Variants in TRPC5 observed in about 807,000 individuals in gnomAD.
TRPC5 encodes transient receptor potential cation channel subfamily C member 5, also known as short transient receptor potential channel 5.
TRPC5 carries 9 observed loss-of-function variants against 56.5 expected under a neutral mutation model. That is an observed-to-expected ratio of 0.16 (90% CI 0.10 to 0.28). TRPC5 has a LOEUF of 0.28. TRPC5 is among the 10% of genes least tolerant of loss of function. The pLI is 1.00. For synonymous variants in TRPC5, 282 were observed against 278.5 expected, an observed-to-expected ratio of 1.01 and a Z score of -0.13; for missense variants, 469 against 748.9, an observed-to-expected ratio of 0.63 and a Z score of 4.36.
chrX:111,991,876 A>G (rs1200932244), intron 1 of TRPC5, among the ~76,000 whole-genome samples: 1 of 112,110 alleles, frequency 8.9e-6, no homozygotes, highest in Non-Finnish European at 1.9e-5. Context: ...CTAGGGTTTC[A>G]GGCTATCTAA....
At chrX:111,946,225 A>C (rs1378214936) in intron 2 of TRPC5, among the ~76,000 whole-genome samples, 1 of 112,137 alleles carries the variant, frequency 8.9e-6, no homozygotes, top group Non-Finnish European at 1.9e-5. Context: ...AAGTATGGAC[A>C]AAGTAGGTCT....
chrX:112,044,486 T>G (rs750245030), intron 1 of TRPC5, among the ~76,000 whole-genome samples: 1 of 112,114 alleles, frequency 8.9e-6, no homozygotes, highest in African/African-American at 3.2e-5. Context: ...TGACTGCCCT[T>G]CCATACAGAG....
Position 111,782,806 on chromosome X carries a change from A to AACACACACACACACACAC in TRPC5, c.1897-686_1897-669dup, listed in dbSNP as rs1186498788. ...TACCCATGTAACAATCATTATAATCAACACACACACACACACACACACACA... is the reference window on the plus strand; with the variant it reads ...TACCCATGTAACAATCATTATAATCAACACACACACACACACACACACACACACACACACACACACACA... On this transcript the variant is annotated intron_variant, in intron 7 of 10. Coordinates refer to ENST00000262839, the MANE Select transcript of TRPC5 (RefSeq NM_012471.3). Among the ~76,000 whole-genome samples, 547 of 92,113 alleles carry AACACACACACACACACAC rather than the reference A, an allele frequency of 5.9e-3. 6 individuals carry two copies. The highest frequency in any genetic ancestry group is 0.021 in the African/African-American group (488 of 23,744). The allele number at this position is 92,113 out of a possible 115,157, so 80.0% of individuals were successfully genotyped here. A position where few individuals can be genotyped will look rare whatever the true frequency, so the allele number is the denominator to read the frequency against.
At chrX:111,800,598 C>G (rs759232528) in intron 7 of TRPC5, among the ~76,000 whole-genome samples, 1 of 110,498 alleles carries the variant, frequency 9.0e-6, no homozygotes, top group Admixed American at 9.7e-5. Context: ...AACCCCCTCT[C>G]TACTAAATTT....
At chrX:111,796,968 C>CA (rs1921118401) in intron 7 of TRPC5, among the ~76,000 whole-genome samples, 1 of 112,140 alleles carries the variant, frequency 8.9e-6, no homozygotes, top group African/African-American at 3.2e-5. Context: ...ATTGCCACTT[C>CA]AAAAAAATAA....
intron 6 of TRPC5, 35 bp downstream of exon 6, chrX:111,847,079 A>AAAT: frequency 8.6e-7 from 1 of 1,158,120 alleles, no homozygotes; most frequent in Non-Finnish European, 1.1e-6. Flanking sequence ...GGCAAAAAAA[A>AAAT]AAATAAATAA....
At position 112,017,959 on chromosome X, in the gene TRPC5, A is replaced by T. The variant is rs111474349; in HGVS notation, c.-22+63920T>A. Among the ~76,000 whole-genome samples, 715 of 112,623 alleles carry T rather than the reference A, an allele frequency of 6.3e-3. 5 individuals are homozygous for T. Among genetic ancestry groups the T allele is most frequent in the African/African-American group, 0.022 (669 of 31,011 alleles). On this transcript the variant is annotated intron_variant, in intron 1 of 10. Transcript: ENST00000262839. The stretch of plus-strand genomic sequence containing the variant: ...AATACAGACCAGATTTTGAAGACTT[A>T]GTACAATAAAAAAGAATGCCTAATA...
chrX:111,911,100 T>G, intron 3 of TRPC5, among the ~76,000 whole-genome samples: 1 of 112,350 alleles, frequency 8.9e-6, no homozygotes, highest in East Asian at 2.8e-4. Flanking sequence ...CTGGTATTTG[T>G]TTTTTGCCTC....
chrX:111,843,454 T>C (rs1293214277), intron 6 of TRPC5, among the ~76,000 whole-genome samples: 2 of 111,680 alleles, frequency 1.8e-5, no homozygotes, highest in Non-Finnish European at 3.8e-5. Context: ...TTGGCAGCAG[T>C]TGGAAAGATG....
intron 1 of TRPC5, among the ~76,000 whole-genome samples, chrX:112,021,978 G>A (rs893164086): frequency 3.6e-5 from 4 of 112,187 alleles, no homozygotes; most frequent in Admixed American, 2.8e-4. Flanking sequence ...AGGAATAAAC[G>A]GGATGATGAT....
chrX:111,910,539 A>C (rs1321206703), intron 3 of TRPC5, among the ~76,000 whole-genome samples: 1 of 111,850 alleles, frequency 8.9e-6, no homozygotes, highest in Non-Finnish European at 1.9e-5. Flanking sequence ...GCTAATAGTA[A>C]ATTTTTTTTT....
chrX:112,076,007 A>C (rs181208079), intron 1 of TRPC5, among the ~76,000 whole-genome samples: 1 of 111,925 alleles, frequency 8.9e-6, no homozygotes. Context: ...AACGATAATA[A>C]ATTTGTGTTG....
rs748736929 is a variant in TRPC5 at position 112,061,823 on chromosome X, A to G, written c.-22+20056T>C. Among the ~76,000 whole-genome samples, 3 of 111,615 alleles carry G rather than the reference A, an allele frequency of 2.7e-5. No homozygotes were observed. The East Asian group carries it at 8.5e-4, about 32-fold the overall frequency. On this transcript the variant is annotated intron_variant, in intron 1 of 10. Transcript: ENST00000262839. ...GAAGCAGGTTCTTCTGGTGCTGGCT[A>G]CCTCTTTGCTCCTTCTTTACACTAA... is the stretch of plus-strand genomic sequence containing the variant.
At chrX:111,972,470 C>T (rs1024994039) in intron 1 of TRPC5, among the ~76,000 whole-genome samples, 5 of 111,996 alleles carry the variant, frequency 4.5e-5, no homozygotes, top group Non-Finnish European at 9.4e-5. Context: ...AACTTTACTA[C>T]GTGAGTATGA....
intron 10 of TRPC5, among the ~76,000 whole-genome samples, chrX:111,777,702 G>A (rs919320690): frequency 8.9e-6 from 1 of 111,880 alleles, no homozygotes; most frequent in African/African-American, 3.2e-5. Flanking sequence ...CACCTGTATG[G>A]ACATATTCTC....
At chrX:112,053,389 G>A (rs1166984923) in intron 1 of TRPC5, among the ~76,000 whole-genome samples, 1 of 111,693 alleles carries the variant, frequency 9.0e-6, no homozygotes, top group Non-Finnish European at 1.9e-5. Flanking sequence ...TGGTGCCTAT[G>A]TTTCGGTGTT....
At chrX:111,889,650 G>A (rs1310895777) in intron 3 of TRPC5, among the ~76,000 whole-genome samples, 2 of 111,695 alleles carry the variant, frequency 1.8e-5, no homozygotes, top group African/African-American at 6.5e-5. Flanking sequence ...AACTTTGGGA[G>A]GTAGAGGTAT....
At chrX:111,846,120 G>A (rs181164868) in intron 6 of TRPC5, among the ~76,000 whole-genome samples, 1 of 111,611 alleles carries the variant, frequency 9.0e-6, no homozygotes, top group African/African-American at 3.3e-5. Flanking sequence ...TCTGGCCTTT[G>A]TTATGGAGCA....
chrX:111,771,416 C>T lies in TRPC5; in HGVS notation c.*4897G>A, dbSNP rs747874965. On this transcript the variant is annotated 3_prime_UTR_variant, in exon 11 of 11. Transcript: ENST00000262839. ...GAAAAAGAATGAACACAACTCAGAT[C>T]CAGTAATCAAGTACAAGATACAAAT... Among the ~76,000 whole-genome samples, 2 of 111,694 alleles carry T rather than the reference C, an allele frequency of 1.8e-5. No homozygotes were observed. The highest frequency in any genetic ancestry group is 3.8e-5 in the Non-Finnish European group (2 of 53,127).
Sources: gnomAD v4.1 joint callset for allele counts (sites outside exome capture counted in the v4.1 genomes callset) on GRCh38, gnomAD v4.1.1 for gene constraint, MANE v1.5 for transcripts, NCBI Gene and HGNC (gene_info 2026-07-23, HGNC 2026-07-21) for gene names.